Variants in POLR3G observed in about 807,000 individuals in gnomAD.
The protein encoded by POLR3G is RNA polymerase III subunit G.
A neutral mutation model predicts 30.1 loss-of-function variants in POLR3G; 28 were observed. The ratio of observed to expected loss-of-function variants is 0.93; its 90% confidence interval spans 0.69 to 1.27. POLR3G has a LOEUF of 1.27. Among genes scored for constraint, POLR3G ranks in the 50% most tolerant of loss-of-function variants. The pLI is 0.00. For missense variants in POLR3G, 254 were observed against 264.6 expected, an observed-to-expected ratio of 0.96 and a Z score of 0.28; for synonymous variants, 79 against 82.5, an observed-to-expected ratio of 0.96 and a Z score of 0.23.
At chr5:90,503,874 A>G (rs1200802510) in intron 6 of POLR3G, among the ~76,000 whole-genome samples, 5 of 152,202 alleles carry the variant, frequency 3.3e-5, no homozygotes, top group Non-Finnish European at 4.4e-5. Flanking sequence ...GTAAGGCTGT[A>G]TAATATTTAA....
chr5:90,475,170 C>T (rs1486407905), intron 1 of POLR3G, 150 bp downstream of exon 1: 1 of 152,276 alleles, frequency 6.6e-6, no homozygotes, highest in Non-Finnish European at 1.5e-5. Flanking sequence ...CTTGGTACCT[C>T]CCCTCCTTGT....
intron 3 of POLR3G, among the ~76,000 whole-genome samples, chr5:90,491,547 G>A (rs1751726071): frequency 6.6e-6 from 1 of 150,758 alleles, no homozygotes; most frequent in Non-Finnish European, 1.5e-5. Context: ...TTTTTTTGGA[G>A]CAGTTCTTAT....
chr5:90,474,131 C>A, upstream of POLR3G: 1 of 1,585,408 alleles, frequency 6.3e-7, no homozygotes. Context: ...ACAGGTACTC[C>A]GGGAGGCTGC....
At chr5:90,494,130 A>G (rs1258475577) in intron 3 of POLR3G, among the ~76,000 whole-genome samples, 2 of 152,148 alleles carry the variant, frequency 1.3e-5, no homozygotes, top group African/African-American at 4.8e-5. Flanking sequence ...TTCTGTCTCT[A>G]GAGATTCCAT....
chr5:90,497,720 TATA>T lies in POLR3G; in HGVS notation c.355+18_355+20del. 1.3e-6 allele frequency: 2 copies of T among 1,597,950 alleles called. No individual in the cohort carries two copies. Among genetic ancestry groups the T allele is most frequent in the East Asian group, 2.3e-5 (1 of 44,032 alleles). On this transcript the variant is annotated intron_variant, in intron 5 of 7. Transcript: ENST00000651687. The stretch of plus-strand genomic sequence containing the variant: ...AATGTAAAAAAGGTACATTGACTAA[TATA>T]ATAGTAATTCAGGTAGGAAAAGGTT...
intron 5 of POLR3G, among the ~76,000 whole-genome samples, chr5:90,501,197 T>C (rs1342232277): frequency 6.6e-6 from 1 of 152,188 alleles, no homozygotes. Context: ...ATGAACATAT[T>C]TGAAGTACAG....
chr5:90,492,165 C>G (rs1001170426), intron 3 of POLR3G, among the ~76,000 whole-genome samples: 2 of 152,162 alleles, frequency 1.3e-5, no homozygotes, highest in African/African-American at 4.8e-5. Context: ...AGCAAAATCT[C>G]AGACTGTGAG....
At chr5:90,476,416 A>G (rs372077690) in intron 1 of POLR3G, among the ~76,000 whole-genome samples, 4 of 152,374 alleles carry the variant, frequency 2.6e-5, no homozygotes, top group East Asian at 1.9e-4. Context: ...GGTATGTACC[A>G]CAGAGGAAGT....
In POLR3G at chr5:90,487,910, A is replaced by G. The variant is rs1751527805; in HGVS notation, c.118-90A>G. 11 of 1,070,008 alleles carry G rather than the reference A, an allele frequency of 1.0e-5. No individual in the cohort carries two copies. In the South Asian group the frequency reaches 2.9e-4, roughly 28 times the overall value. The allele number at this position is 1,070,008 out of a possible 1,614,324, so 66.3% of individuals were successfully genotyped here. On this transcript the variant is annotated intron_variant, in intron 2 of 7. Coordinates refer to ENST00000651687, the MANE Select transcript of POLR3G (RefSeq NM_006467.3). ...AGTGCCTGTAAAACATAGTATTTCAATAAAACTGCTGTTTTCTATAATACA... is the reference window on the plus strand; with the variant it reads ...AGTGCCTGTAAAACATAGTATTTCAGTAAAACTGCTGTTTTCTATAATACA...
chr5:90,475,486 A>ATTT (rs1554037794), intron 1 of POLR3G, among the ~76,000 whole-genome samples: 1 of 144,324 alleles, frequency 6.9e-6, no homozygotes, highest in East Asian at 2.2e-4. Flanking sequence ...TAATTTTATT[A>ATTT]TTATTTATTT....
intron 4 of POLR3G, 124 bp downstream of exon 4, chr5:90,495,857 G>GATTA (rs1751960364): frequency 1.6e-6 from 2 of 1,241,928 alleles, no homozygotes; most frequent in Non-Finnish European, 2.1e-6. Flanking sequence ...CTTTTATTGT[G>GATTA]ATTAATTAGT....
At chr5:90,474,129 T>G (rs1561242453), upstream of POLR3G, 2 of 1,584,692 alleles carry the variant, frequency 1.3e-6, no homozygotes, top group Middle Eastern at 1.7e-4. Context: ...GTACAGGTAC[T>G]CCGGGAGGCT....
chr5:90,496,416 A>T (rs1255008844), intron 4 of POLR3G, among the ~76,000 whole-genome samples: 1 of 152,258 alleles, frequency 6.6e-6, no homozygotes, highest in East Asian at 1.9e-4. Flanking sequence ...TTGAAGAGAA[A>T]GCAAAAATCT....
At chr5:90,495,034 A>G (rs1751915503) in intron 3 of POLR3G, among the ~76,000 whole-genome samples, 1 of 152,190 alleles carries the variant, frequency 6.6e-6, no homozygotes. Flanking sequence ...TAGTTAAAAC[A>G]TTTTACCTGA....
chr5:90,483,682 C>T (rs756613602), intron 1 of POLR3G, among the ~76,000 whole-genome samples: 17 of 151,916 alleles, frequency 1.1e-4, no homozygotes, highest in Admixed American at 2.0e-4. Flanking sequence ...GCCTATAATC[C>T]CAGCTACTTA....
At chr5:90,504,521 C>T (rs1043835659) in intron 6 of POLR3G, among the ~76,000 whole-genome samples, 10 of 150,908 alleles carry the variant, frequency 6.6e-5, no homozygotes, top group African/African-American at 2.0e-4. Context: ...GAGATCGTAC[C>T]ACTGCCCTCC....
At chr5:90,479,004 GAA>G (rs1750988168) in intron 1 of POLR3G, among the ~76,000 whole-genome samples, 1 of 12,316 alleles carries the variant, frequency 8.1e-5, no homozygotes, top group Admixed American at 1.3e-3. Context: ...CCCACTCAAA[GAA>G]AGGGGGAAAA....
intron 1 of POLR3G, among the ~76,000 whole-genome samples, chr5:90,478,962 CCT>C (rs1750985583): frequency 6.7e-6 from 1 of 149,832 alleles, no homozygotes; most frequent in Non-Finnish European, 1.5e-5. Context: ...TTCTTTAAAA[CCT>C]CTCTCAGTGA....
rs767801708 is a variant in POLR3G at position 90,485,521 on chromosome 5, A to G, written c.-43-4A>G. 3 of 1,300,358 alleles carry G rather than the reference A, an allele frequency of 2.3e-6. No homozygotes were observed. The allele number at this position is 1,300,358 out of a possible 1,614,324, so 80.6% of individuals were successfully genotyped here. ...GTGATCCAGTAAATCGTAATCATTA[A>G]TAGTGCCTTTCAGAATTTGCCCACT... is the stretch of plus-strand genomic sequence containing the variant. On this transcript the variant is annotated splice_polypyrimidine_tract_variant and splice_region_variant and intron_variant, in intron 1 of 7. Coordinates refer to ENST00000651687, the MANE Select transcript of POLR3G (RefSeq NM_006467.3).
Sources: allele counts gnomAD v4.1 joint callset (sites outside exome capture counted in the v4.1 genomes callset), GRCh38; gene constraint gnomAD v4.1.1; transcripts MANE v1.5; gene names NCBI Gene and HGNC (gene_info 2026-07-23, HGNC 2026-07-21).